DIAPH2: variants seen among roughly 807,000 people sequenced by gnomAD.
DIAPH2 encodes the protein protein diaphanous homolog 2.
Under a neutral mutation model 92.7 loss-of-function variants are expected in DIAPH2, and 35 were observed. The ratio of observed to expected loss-of-function variants is 0.38; its 90% CI spans 0.29 to 0.50. The LOEUF (loss-of-function observed/expected upper bound fraction) is 0.50. Ranked by LOEUF, DIAPH2 falls within the 20% of genes least tolerant of loss-of-function variation. The pLI, the probability that DIAPH2 is intolerant of heterozygous loss-of-function variation, is 0.94. For missense variants in DIAPH2, 701 were observed against 819.5 expected (o/e 0.86, Z 1.77); for synonymous variants, 301 against 280.4 (o/e 1.07, Z -0.73).
intron 4 of DIAPH2, among the ~76,000 whole-genome samples, chrX:96,806,814 C>T (rs1922242866): frequency 9.5e-6 from 1 of 105,351 alleles, no homozygotes; most frequent in African/African-American, 3.4e-5. Flanking sequence ...GAGCTCAGCT[C>T]ACTGCAAGCT....
chrX:96,702,992 C>T (rs775012666), intron 1 of DIAPH2, among the ~76,000 whole-genome samples: 43 of 111,622 alleles, frequency 3.9e-4, no homozygotes, highest in African/African-American at 1.4e-3. Context: ...GGTTCAGTTT[C>T]ACGGTATACA....
intron 21 of DIAPH2, among the ~76,000 whole-genome samples, chrX:97,115,205 GAAGTT>G (rs775151698): frequency 3.0e-4 from 33 of 111,587 alleles, no homozygotes; most frequent in East Asian, 2.2e-3. Context: ...ACATTTTACT[GAAGTT>G]TATAGACAAA....
chrX:97,274,657 T>A lies in DIAPH2; in HGVS notation c.2844+26818T>A, dbSNP rs186422200. Among the ~76,000 whole-genome samples the A allele has an allele frequency of 9.1e-5, 10 of 109,734 alleles. No individual in the cohort carries two copies. In the Admixed American group the frequency reaches 9.8e-4, roughly 11 times the overall value. ...TGTTTTTTTTTTGTTTTTTTGTTTG[T>A]TTTTATTGATCATTCTTGGGTGTTT... On this transcript the variant is annotated intron_variant, in intron 23 of 26. Coordinates refer to ENST00000324765, the MANE Select transcript of DIAPH2 (RefSeq NM_006729.5).
At chrX:97,188,906 T>C (rs1222447300) in intron 22 of DIAPH2, among the ~76,000 whole-genome samples, 1 of 112,397 alleles carries the variant, frequency 8.9e-6, no homozygotes, top group Admixed American at 9.5e-5. Flanking sequence ...GCATCTCACA[T>C]TTCTTGCTTT....
chrX:97,191,325 T>C (rs775498148), intron 22 of DIAPH2, among the ~76,000 whole-genome samples: 100 of 100,064 alleles, frequency 1.0e-3, no homozygotes, highest in African/African-American at 3.6e-3. Flanking sequence ...GGAAACTCTC[T>C]CAAAAAAAAA....
At chrX:97,009,000 C>T (rs974301444) in intron 17 of DIAPH2, among the ~76,000 whole-genome samples, 2 of 111,427 alleles carry the variant, frequency 1.8e-5, no homozygotes, top group Non-Finnish European at 3.8e-5. Context: ...GGGTTGTCTT[C>T]TTCCCTTCAG....
chrX:97,048,489 T>C (rs1038706254), intron 17 of DIAPH2, among the ~76,000 whole-genome samples: 1 of 111,583 alleles, frequency 9.0e-6, no homozygotes, highest in Non-Finnish European at 1.9e-5. Flanking sequence ...AAGTCAGTTT[T>C]CGATTAAGGT....
At chrX:97,545,295 C>T (rs1290545216) in intron 26 of DIAPH2, among the ~76,000 whole-genome samples, 1 of 110,487 alleles carries the variant, frequency 9.1e-6, no homozygotes, top group Non-Finnish European at 1.9e-5. Flanking sequence ...CTTAATTCCT[C>T]TTTGGGCTAG....
At chrX:97,390,291 C>T (rs1248516046) in intron 25 of DIAPH2, among the ~76,000 whole-genome samples, 1 of 83,558 alleles carries the variant, frequency 1.2e-5, no homozygotes, top group African/African-American at 4.7e-5. Flanking sequence ...GCAGTCTTGT[C>T]TCGCTACAGT....
intron 5 of DIAPH2, among the ~76,000 whole-genome samples, chrX:96,893,567 G>T (rs773827010): frequency 8.9e-6 from 1 of 111,872 alleles, no homozygotes; most frequent in South Asian, 3.7e-4. Flanking sequence ...AAGTACAGAA[G>T]ATTTCTATGA....
intron 21 of DIAPH2, among the ~76,000 whole-genome samples, chrX:97,138,112 GACTGACGTAGGTCATTA>G (rs1474418686): frequency 8.9e-6 from 1 of 111,901 alleles, no homozygotes; most frequent in Non-Finnish European, 1.9e-5. Flanking sequence ...GATTGAATGT[GACTGACGTAGGTCATTA>G]AAATGTTGTC....
At chrX:97,328,521 A>C (rs1266910552) in intron 23 of DIAPH2, among the ~76,000 whole-genome samples, 1 of 111,783 alleles carries the variant, frequency 8.9e-6, no homozygotes, top group Non-Finnish European at 1.9e-5. Context: ...TGGACCTAGC[A>C]TCTATCATTG....
At chrX:97,137,270 C>CATAAAAA in intron 21 of DIAPH2, among the ~76,000 whole-genome samples, 1 of 68,259 alleles carries the variant, frequency 1.5e-5, no homozygotes, top group East Asian at 5.0e-4. Flanking sequence ...CGCAGTTATA[C>CATAAAAA]ATATATATAT....
intron 26 of DIAPH2, among the ~76,000 whole-genome samples, chrX:97,552,487 T>TAAAA (rs2071226972): frequency 1.8e-5 from 2 of 111,517 alleles, no homozygotes; most frequent in African/African-American, 6.5e-5. Context: ...TGCTCTGGAA[T>TAAAA]CAACACCTCA....
intron 21 of DIAPH2, among the ~76,000 whole-genome samples, chrX:97,128,933 G>T (rs773678242): frequency 1.8e-5 from 2 of 110,794 alleles, no homozygotes; most frequent in Non-Finnish European, 3.8e-5. Context: ...CAGTTGGGTT[G>T]TTTCTAAATT....
At chrX:97,293,057 A>AC in intron 23 of DIAPH2, among the ~76,000 whole-genome samples, 1 of 110,192 alleles carries the variant, frequency 9.1e-6, no homozygotes, top group East Asian at 2.9e-4. Flanking sequence ...GAATAATAAC[A>AC]TGAAAGTGAA....
chrX:96,737,212 TA>T (rs1394475346), intron 2 of DIAPH2, among the ~76,000 whole-genome samples: 1 of 112,124 alleles, frequency 8.9e-6, no homozygotes, highest in Non-Finnish European at 1.9e-5. Context: ...TCTAAAATAC[TA>T]TGATTTATAT....
chrX:97,153,690 CAT>C (rs990594996), intron 22 of DIAPH2, among the ~76,000 whole-genome samples: 19 of 111,950 alleles, frequency 1.7e-4, no homozygotes, highest in African/African-American at 5.8e-4. Context: ...AGTTTTTCTA[CAT>C]ATTCTTTTAC....
At chrX:96,859,275 G>A (rs917966565) in intron 4 of DIAPH2, among the ~76,000 whole-genome samples, 1 of 110,091 alleles carries the variant, frequency 9.1e-6, no homozygotes, top group African/African-American at 3.3e-5. Context: ...TATAGAAAGC[G>A]ACTAGAATAA....
Sources: allele counts gnomAD v4.1 joint callset (sites outside exome capture counted in the v4.1 genomes callset), GRCh38; gene constraint gnomAD v4.1.1; transcripts MANE v1.5; gene names NCBI Gene and HGNC (gene_info 2026-07-23, HGNC 2026-07-21).